ASB4: variants seen among roughly 807,000 people sequenced by gnomAD.
The protein encoded by ASB4 is ankyrin repeat and SOCS box protein 4.
A neutral mutation model predicts 38.6 loss-of-function variants in ASB4; 35 were observed. The ratio of observed to expected loss-of-function variants is 0.91; its 90% CI spans 0.69 to 1.20. The LOEUF is 1.20. ASB4 is among the 50% of genes most tolerant of loss of function. ASB4 has a pLI of 0.00. For synonymous variants in ASB4, 195 were observed against 201.3 expected (o/e 0.97, Z 0.26); for missense variants, 557 against 527.2 (o/e 1.06, Z -0.55).
rs1405370280 is a variant in ASB4, at chr7:95,497,272, G to A, written c.487+1215G>A. On this transcript the variant is annotated intron_variant, in intron 2 of 4. Coordinates refer to ENST00000325885, the MANE Select transcript of ASB4 (RefSeq NM_016116.3). ...TGGAAGCAGGGAGACCAGTAGGGAA[G>A]CTATTGTAATAGTCTAGGTGAGAGA... Among the ~76,000 whole-genome samples, 4 of 152,336 alleles carry A rather than the reference G, an allele frequency of 2.6e-5. No individual in the cohort carries two copies. The East Asian group carries it at 7.7e-4, about 29-fold the overall frequency.
At chr7:95,544,483 T>C (rs1362431503), downstream of ASB4, 1 of 152,192 alleles carries the variant, frequency 6.6e-6, no homozygotes, top group Non-Finnish European at 1.5e-5. Flanking sequence ...AGCTGAAAAC[T>C]GTTTACTCCA....
At chr7:95,515,211 TTC>T (rs1413791389) in intron 2 of ASB4, among the ~76,000 whole-genome samples, 26 of 132,940 alleles carry the variant, frequency 2.0e-4, no homozygotes, top group Admixed American at 3.7e-4. Context: ...CTTTCTTTCT[TTC>T]TTTCTTTCTT....
intron 2 of ASB4, among the ~76,000 whole-genome samples, 197 bp from the exon 3 acceptor site, chr7:95,527,616 A>G (rs1218094655): frequency 1.3e-5 from 2 of 152,088 alleles, no homozygotes; most frequent in Non-Finnish European, 2.9e-5. Flanking sequence ...TGTCCAGGAG[A>G]TGGCACTGTT....
At chr7:95,542,085 A>AG (rs1554352015), downstream of ASB4, 2 of 99,946 alleles carry the variant, frequency 2.0e-5, no homozygotes, top group East Asian at 4.5e-4. Flanking sequence ...CAAAAAAAAC[A>AG]AAAAAAAAAC....
intron 2 of ASB4, among the ~76,000 whole-genome samples, chr7:95,509,403 A>G (rs988764122): frequency 6.6e-6 from 1 of 152,192 alleles, no homozygotes; most frequent in African/African-American, 2.4e-5. Context: ...TTTGGTTGCC[A>G]TGGTGACCAA....
At chr7:95,546,444 C>CAAA in the ASB4 span, among the ~76,000 whole-genome samples, 1 of 151,942 alleles carries the variant, frequency 6.6e-6, no homozygotes, top group South Asian at 2.1e-4. Flanking sequence ...TGCGTTGGAG[C>CAAA]AAGGTTGACT....
intron 4 of ASB4, 41 bp from the exon 5 acceptor site, chr7:95,537,530 G>T: frequency 1.3e-6 from 2 of 1,517,326 alleles, no homozygotes; most frequent in East Asian, 4.5e-5. Context: ...TGTAAACTGT[G>T]GGGCCTTGCT....
chr7:95,475,527 G>C (rs1397024103), upstream of ASB4, among the ~76,000 whole-genome samples: 1 of 151,996 alleles, frequency 6.6e-6, no homozygotes, highest in African/African-American at 2.4e-5. Context: ...GGGACTACAG[G>C]TGCGTGCCAC....
At chr7:95,489,290 A>G (rs1433666896) in intron 1 of ASB4, among the ~76,000 whole-genome samples, 1 of 152,240 alleles carries the variant, frequency 6.6e-6, no homozygotes, top group African/African-American at 2.4e-5. Context: ...CTATTGGATT[A>G]CAAATAAGTC....
the ASB4 span, among the ~76,000 whole-genome samples, chr7:95,550,092 C>T: frequency 1.3e-5 from 2 of 152,174 alleles, no homozygotes; most frequent in Admixed American, 1.3e-4. Flanking sequence ...CAACAGAATA[C>T]TTTATGAACC....
At chr7:95,483,497 G>A (rs959436776), upstream of ASB4, among the ~76,000 whole-genome samples, 7 of 152,204 alleles carry the variant, frequency 4.6e-5, no homozygotes, top group African/African-American at 1.7e-4. Flanking sequence ...TAACACATCA[G>A]GTTGGACAAA....
chr7:95,471,428 T>G, the ASB4 span, among the ~76,000 whole-genome samples: 2 of 152,212 alleles, frequency 1.3e-5, no homozygotes, highest in Non-Finnish European at 2.9e-5. Context: ...TCCACACTGC[T>G]AAGGCCACCT....
chr7:95,549,238 G>C, the ASB4 span, among the ~76,000 whole-genome samples: 1 of 151,612 alleles, frequency 6.6e-6, no homozygotes. Flanking sequence ...TAAAGTGCCT[G>C]AAATATTGGA....
chr7:95,530,570 G>A (rs1790807252), intron 3 of ASB4, among the ~76,000 whole-genome samples: 1 of 152,158 alleles, frequency 6.6e-6, no homozygotes, highest in Non-Finnish European at 1.5e-5. Context: ...GGGTCCTGAG[G>A]TAGGAGAGGG....
At chr7:95,534,925 CA>C (rs1358529203) in intron 3 of ASB4, among the ~76,000 whole-genome samples, 1 of 152,132 alleles carries the variant, frequency 6.6e-6, no homozygotes, top group African/African-American at 2.4e-5. Flanking sequence ...AAGTCAATCC[CA>C]AGCTCTTCAG....
At chr7:95,534,857 A>G (rs989347042) in intron 3 of ASB4, among the ~76,000 whole-genome samples, 1 of 152,222 alleles carries the variant, frequency 6.6e-6, no homozygotes, top group Non-Finnish European at 1.5e-5. Flanking sequence ...AATGGAATGG[A>G]TAGGTTGAAT....
At chr7:95,514,167 A>T (rs1790523288) in intron 2 of ASB4, among the ~76,000 whole-genome samples, 2 of 151,994 alleles carry the variant, frequency 1.3e-5, no homozygotes, top group Admixed American at 1.3e-4. Flanking sequence ...CCCCTTTTTG[A>T]ATACAGGTCT....
intron 2 of ASB4, among the ~76,000 whole-genome samples, chr7:95,515,153 CT>C (rs760230175): frequency 6.8e-6 from 1 of 147,018 alleles, no homozygotes; most frequent in Non-Finnish European, 1.5e-5. Context: ...GTTTTTCTTT[CT>C]TTCTTTCTCT....
At position 95,528,225 on chromosome 7, in the gene ASB4, T is replaced by C. The variant is rs767371772; in HGVS notation, c.900T>C (p.Pro300=). ...TGCTGAAGGTCACCTCCGTGCGCCC[T>C]GCTGCCCAGCCTGAGATCTGCTACC... The part of the protein sequence containing the change: ...QYVLKVTSVR[P]AAQPEICYQL... The change falls in exon 3 of 5, where the codon CCT becomes CCC. Residue 300 remains proline, a synonymous_variant. Transcript: ENST00000325885. 2.5e-6 allele frequency: 4 copies of C among 1,614,190 alleles called. No individual in the cohort carries two copies. In the East Asian group the frequency reaches 8.9e-5, roughly 36 times the overall value.
Sources: allele counts gnomAD v4.1 joint callset (sites outside exome capture counted in the v4.1 genomes callset), GRCh38; gene constraint gnomAD v4.1.1; transcripts MANE v1.5; gene names NCBI Gene and HGNC (gene_info 2026-07-23, HGNC 2026-07-21).